CTNNA2: variants seen among roughly 807,000 people sequenced by gnomAD.
CTNNA2 encodes catenin alpha-2.
CTNNA2 carries 42 observed loss-of-function variants against 101.0 expected under a neutral mutation model. The ratio of observed to expected loss-of-function variants is 0.42; its 90% confidence interval spans 0.32 to 0.54. The LOEUF (loss-of-function observed/expected upper bound fraction) is 0.54. Among genes scored for constraint, CTNNA2 ranks in the 20% least tolerant of loss-of-function variants. The pLI is 0.14. For missense variants in CTNNA2, 871 were observed against 1,223.1 expected (o/e 0.71, Z 4.29); for synonymous variants, 450 against 456.4 (o/e 0.99, Z 0.18).
chr2:79,966,063 C>T (rs566362817), intron 7 of CTNNA2, among the ~76,000 whole-genome samples: 24 of 151,932 alleles, frequency 1.6e-4, no homozygotes, highest in Admixed American at 1.2e-3. Context: ...AAGAGATGCT[C>T]GTAACCCATT....
chr2:79,825,760 GA>G (rs1411513608), intron 3 of CTNNA2, among the ~76,000 whole-genome samples: 29 of 152,134 alleles, frequency 1.9e-4, no homozygotes, highest in African/African-American at 7.0e-4. Context: ...GTTGATCTAG[GA>G]AAGAGAATGT....
intron 3 of CTNNA2, among the ~76,000 whole-genome samples, chr2:79,318,373 A>T (rs1037745856): frequency 6.6e-6 from 1 of 152,196 alleles, no homozygotes; most frequent in Admixed American, 6.5e-5. Context: ...GAAGAAAAAA[A>T]TACATTTTAT....
At chr2:80,591,480 C>CTTTTTTTTTTTTTTTTTTTTA (rs1473500318) in intron 15 of CTNNA2, among the ~76,000 whole-genome samples, 1 of 33,552 alleles carries the variant, frequency 3.0e-5, no homozygotes, top group Non-Finnish European at 6.4e-5. Context: ...TTTTTTTTTG[C>CTTTTTTTTTTTTTTTTTTTTA]AAACAGACAG....
At chr2:80,638,759 G>T (rs1673134704) in intron 18 of CTNNA2, among the ~76,000 whole-genome samples, 3 of 152,132 alleles carry the variant, frequency 2.0e-5, no homozygotes, top group South Asian at 2.1e-4. Flanking sequence ...AATGAAGACA[G>T]TTAATCAGTG....
At chr2:79,608,336 A>G (rs940617841) in intron 1 of CTNNA2, among the ~76,000 whole-genome samples, 1 of 152,078 alleles carries the variant, frequency 6.6e-6, no homozygotes, top group African/African-American at 2.4e-5. Context: ...AAACATGTAA[A>G]GAAGAAATGA....
At chr2:79,467,075 C>A (rs1670945606) in intron 4 of CTNNA2, among the ~76,000 whole-genome samples, 1 of 152,180 alleles carries the variant, frequency 6.6e-6, no homozygotes, top group Non-Finnish European at 1.5e-5. Context: ...GATCAAACTT[C>A]TCTGAGCTAA....
intron 2 of CTNNA2, among the ~76,000 whole-genome samples, chr2:79,292,345 A>G (rs897991801): frequency 6.6e-6 from 1 of 152,188 alleles, no homozygotes; most frequent in African/African-American, 2.4e-5. Flanking sequence ...GCTGAATGCC[A>G]TAGTTCACTC....
chr2:80,484,403 A>C (rs972109248), intron 9 of CTNNA2, among the ~76,000 whole-genome samples: 3 of 152,190 alleles, frequency 2.0e-5, no homozygotes, highest in Non-Finnish European at 2.9e-5. Context: ...TGGGACTGAA[A>C]ACAGTGTCTA....
intron 2 of CTNNA2, among the ~76,000 whole-genome samples, chr2:79,709,620 C>G (rs1685616525): frequency 6.6e-6 from 1 of 151,966 alleles, no homozygotes; most frequent in African/African-American, 2.4e-5. Flanking sequence ...CAGTGGGGGT[C>G]TATTGAAGGT....
At chr2:80,165,031 G>A (rs1027462506) in intron 7 of CTNNA2, among the ~76,000 whole-genome samples, 1 of 149,564 alleles carries the variant, frequency 6.7e-6, no homozygotes, top group Non-Finnish European at 1.5e-5. Flanking sequence ...ATTTCTTTCA[G>A]GTTACACTGC....
At chr2:79,800,625 A>AC in intron 3 of CTNNA2, among the ~76,000 whole-genome samples, 1 of 152,184 alleles carries the variant, frequency 6.6e-6, no homozygotes, top group East Asian at 1.9e-4. Context: ...GCAGAAGGGG[A>AC]CAACAGCCAA....
At chr2:79,659,728 G>A (rs1681882674) in intron 2 of CTNNA2, among the ~76,000 whole-genome samples, 1 of 152,138 alleles carries the variant, frequency 6.6e-6, no homozygotes, top group African/African-American at 2.4e-5. Flanking sequence ...CAGGAGCAGT[G>A]GCTCATGCCT....
chr2:80,167,756 G>A (rs150344319), intron 7 of CTNNA2, among the ~76,000 whole-genome samples: 102 of 152,238 alleles, frequency 6.7e-4, no homozygotes, highest in African/African-American at 2.0e-3. Context: ...TGTAATGCAC[G>A]GATTTTTTTT....
At chr2:80,558,267 C>T (rs3755098) in intron 12 of CTNNA2, among the ~76,000 whole-genome samples, 149,515 of 152,304 alleles carry the variant, frequency 0.98, 73,403 homozygotes, top group African/African-American at 0.99. Context: ...AATAATGTTA[C>T]TATTTTGTGA....
At chr2:80,098,732 C>T (rs1413251400) in intron 7 of CTNNA2, among the ~76,000 whole-genome samples, 1 of 152,192 alleles carries the variant, frequency 6.6e-6, no homozygotes, top group East Asian at 1.9e-4. Flanking sequence ...AGCCTCGCTG[C>T]TGCCTTGCAG....
rs575566655 is a variant in CTNNA2 at position 79,994,353 on chromosome 2, A to G, written c.1056+84556A>G. Among the ~76,000 whole-genome samples, 9 of 152,354 alleles carry G rather than the reference A, an allele frequency of 5.9e-5. No individual in the cohort carries two copies. In the South Asian group the frequency reaches 1.9e-3, roughly 32 times the overall value. On this transcript the variant is annotated intron_variant, in intron 7 of 18. Coordinates refer to ENST00000402739, the MANE Select transcript of CTNNA2 (RefSeq NM_001282597.3). ...TAAACCACGAGTTGCGACATAGTCA[A>G]ATAAAACTTCCTGAATTTACCTGCT...
intron 6 of CTNNA2, among the ~76,000 whole-genome samples, chr2:79,902,629 C>CTTT (rs111234732): frequency 7.0e-6 from 1 of 142,294 alleles, no homozygotes. Context: ...TCTTCCTCTT[C>CTTT]TTTTTTTTTT....
At position 80,061,641 on chromosome 2, in the gene CTNNA2, G is replaced by A. The variant is rs534136156; in HGVS notation, c.1056+151844G>A. ...TGCCCCTGTCCAAGTCCATAAAGTTGAATACTTCCTTTTTTGTTCAAATAT... is the reference window on the plus strand; with the variant it reads ...TGCCCCTGTCCAAGTCCATAAAGTTAAATACTTCCTTTTTTGTTCAAATAT... On this transcript the variant is annotated intron_variant, in intron 7 of 18. Transcript: ENST00000402739. Among the ~76,000 whole-genome samples the A allele has an allele frequency of 2.0e-5, 3 of 152,162 alleles. No homozygotes were observed. The East Asian group carries it at 5.8e-4, about 29-fold the overall frequency.
At chr2:79,860,406 T>C (rs1018949383) in intron 4 of CTNNA2, among the ~76,000 whole-genome samples, 13 of 152,182 alleles carry the variant, frequency 8.5e-5, no homozygotes, top group Non-Finnish European at 1.9e-4. Flanking sequence ...GATGACGCCA[T>C]GTGTGGTACC....
Sources: allele counts gnomAD v4.1 joint callset (sites outside exome capture counted in the v4.1 genomes callset), GRCh38; gene constraint gnomAD v4.1.1; transcripts MANE v1.5; gene names NCBI Gene and HGNC (gene_info 2026-07-23, HGNC 2026-07-21).